Variants in DENND4C observed in about 807,000 individuals in gnomAD.
The protein encoded by DENND4C is DENN domain containing 4C, also known as DENN domain-containing protein 4C.
Under a neutral mutation model 203.0 loss-of-function variants are expected in DENND4C, and 108 were observed. The ratio of observed to expected loss-of-function variants is 0.53; its 90% CI spans 0.46 to 0.62. DENND4C has a LOEUF of 0.62. Ranked by LOEUF, DENND4C falls within the 20% of genes least tolerant of loss-of-function variation. DENND4C has a pLI of 0.00. For missense variants in DENND4C, 2,481 were observed against 2,301.2 expected, an observed-to-expected ratio of 1.08 and a Z score of -1.60; for synonymous variants, 871 against 792.4, an observed-to-expected ratio of 1.10 and a Z score of -1.67.
intron 1 of DENND4C, among the ~76,000 whole-genome samples, chr9:19,259,744 A>G (rs1828901650): frequency 6.6e-6 from 1 of 151,910 alleles, no homozygotes; most frequent in African/African-American, 2.4e-5. Context: ...ACCTCAGGTG[A>G]TCCGCCCGCC....
intron 1 of DENND4C, among the ~76,000 whole-genome samples, chr9:19,249,645 T>G (rs1405381568): frequency 1.3e-5 from 2 of 152,178 alleles, no homozygotes; most frequent in South Asian, 4.1e-4. Flanking sequence ...AGCAAAAAAG[T>G]GTGCAAGACC....
At chr9:19,367,507 C>G (rs990916941) in intron 30 of DENND4C, among the ~76,000 whole-genome samples, 1 of 152,140 alleles carries the variant, frequency 6.6e-6, no homozygotes, top group African/African-American at 2.4e-5. Flanking sequence ...AGGCTGAGGC[C>G]GGCAGATCAC....
intron 9 of DENND4C, among the ~76,000 whole-genome samples, chr9:19,303,537 C>G (rs943868978): frequency 1.1e-4 from 17 of 152,174 alleles, no homozygotes; most frequent in Non-Finnish European, 2.2e-4. Context: ...AAGTTGCTGA[C>G]TTTTATCCTA....
At chr9:19,354,052 C>T (rs1397970010) in intron 26 of DENND4C, among the ~76,000 whole-genome samples, 1 of 152,202 alleles carries the variant, frequency 6.6e-6, no homozygotes, top group East Asian at 1.9e-4. Context: ...CACCCTCATT[C>T]CCCTATTCTA....
rs755265381 is a variant in DENND4C, at chr9:19,357,181, A to T, written c.4964+27A>T. 3 of 1,611,166 alleles carry T rather than the reference A, an allele frequency of 1.9e-6. No individual in the cohort carries two copies. In the Admixed American group the frequency reaches 5.0e-5, roughly 27 times the overall value. ...TATCAAAGGGTACAGAGACCTCTTT[A>T]TGTAGTAATAAATGGGGTACCCTTG... is the stretch of plus-strand genomic sequence containing the variant. On this transcript the variant is annotated intron_variant, in intron 27 of 32. Transcript: ENST00000434457.
chr9:19,341,212 C>T, intron 21 of DENND4C, 98 bp downstream of exon 21: 3 of 1,013,852 alleles, frequency 3.0e-6, no homozygotes, highest in Non-Finnish European at 4.1e-6. Flanking sequence ...ATTATTTTCA[C>T]AAATGTAAGG....
intron 2 of DENND4C, among the ~76,000 whole-genome samples, chr9:19,282,716 T>TC (rs371235170): frequency 1.4e-3 from 41 of 28,750 alleles, no homozygotes; most frequent in East Asian, 2.8e-3. Context: ...TTCTTCTCTC[T>TC]TTTTTTTTTT....
At chr9:19,330,622 G>A (rs1818904223) in intron 16 of DENND4C, among the ~76,000 whole-genome samples, 1 of 151,854 alleles carries the variant, frequency 6.6e-6, no homozygotes, top group Non-Finnish European at 1.5e-5. Context: ...ATATACATGA[G>A]CTACCATGCC....
At chr9:19,263,671 T>TA (rs1829888494) in intron 1 of DENND4C, among the ~76,000 whole-genome samples, 2 of 151,292 alleles carry the variant, frequency 1.3e-5, no homozygotes, top group Non-Finnish European at 2.9e-5. Flanking sequence ...TTTTTTTTTT[T>TA]AAGACAGAAT....
chr9:19,245,499 A>G (rs543105386), intron 1 of DENND4C, among the ~76,000 whole-genome samples: 6 of 148,704 alleles, frequency 4.0e-5, no homozygotes, highest in African/African-American at 1.5e-4. Flanking sequence ...GGTGGCTCCA[A>G]TGTATAGTCA....
intron 20 of DENND4C, chr9:19,337,598 C>A: frequency 1.6e-6 from 2 of 1,272,442 alleles, no homozygotes; most frequent in South Asian, 1.3e-5. Context: ...GTGTGGGGTG[C>A]AGACAGACTT....
chr9:19,277,147 T>C (rs998945381), intron 2 of DENND4C, among the ~76,000 whole-genome samples: 1 of 152,170 alleles, frequency 6.6e-6, no homozygotes, highest in African/African-American at 2.4e-5. Flanking sequence ...TTTTGTTTAT[T>C]ATCATTACCA....
chr9:19,289,547 G>C (rs1282546329), intron 4 of DENND4C, among the ~76,000 whole-genome samples: 1 of 152,096 alleles, frequency 6.6e-6, no homozygotes, highest in Non-Finnish European at 1.5e-5. Flanking sequence ...TGATACTGTA[G>C]GCTGGGCATG....
intron 6 of DENND4C, among the ~76,000 whole-genome samples, chr9:19,296,596 A>C (rs1837522144): frequency 6.6e-6 from 1 of 152,014 alleles, no homozygotes; most frequent in Non-Finnish European, 1.5e-5. Flanking sequence ...CTCATGGTCC[A>C]CCTGCCTCAG....
At chr9:19,292,763 C>T (rs906340890) in intron 5 of DENND4C, among the ~76,000 whole-genome samples, 2 of 152,004 alleles carry the variant, frequency 1.3e-5, no homozygotes, top group Non-Finnish European at 2.9e-5. Context: ...CCAGGCTGGT[C>T]TCGAACTCCT....
intron 2 of DENND4C, among the ~76,000 whole-genome samples, chr9:19,278,877 C>G (rs868311463): frequency 6.6e-6 from 1 of 152,030 alleles, no homozygotes; most frequent in Non-Finnish European, 1.5e-5. Context: ...TCTGCCCCCC[C>G]AGAAGCTTGA....
chr9:19,340,866 G>T (rs1367493499), intron 20 of DENND4C, 126 bp from the exon 21 acceptor site: 1 of 761,372 alleles, frequency 1.3e-6, no homozygotes, highest in Non-Finnish European at 1.9e-6. Context: ...TGTTCCTTGT[G>T]TGCTTTCTTG....
Position 19,336,349 on chromosome 9 carries a change from G to T in DENND4C, c.2669G>T (p.Gly890Val), listed in dbSNP as rs1820469124. The T allele has an allele frequency of 6.2e-7, 1 of 1,614,066 alleles. No homozygotes were observed. Among genetic ancestry groups the T allele is most frequent in the Non-Finnish European group, 8.5e-7 (1 of 1,179,980 alleles). ...ACGAAGGTACGGAATGTGGTACGTG[G>T]CTTGGCACAGTTTAGGCAGCCGCTT... ...LWTKVRNVVR[G>V]LAQFRQPLKK... is the part of the protein sequence containing the mutation. The change falls in exon 19 of 33, where the codon GGC becomes GTC. Residue 890 changes from glycine to valine, a missense_variant. Around this residue, in one of 3 missense-constraint regions of DENND4C, gnomAD observed 2,289 missense variants for 2,113.3 expected, o/e 1.08. Transcript: ENST00000434457.
chr9:19,244,225 T>A (rs1266289780), intron 1 of DENND4C, among the ~76,000 whole-genome samples: 1 of 151,982 alleles, frequency 6.6e-6, no homozygotes, highest in African/African-American at 2.4e-5. Context: ...GAGATGGGAT[T>A]TTGCCATGTT....
Sources: gnomAD v4.1 joint callset for allele counts (sites outside exome capture counted in the v4.1 genomes callset) on GRCh38, gnomAD v4.1.1 for gene constraint, gnomAD v4.1.1 regional missense constraint, MANE v1.5 for transcripts, NCBI Gene and HGNC (gene_info 2026-07-23, HGNC 2026-07-21) for gene names.